Variants in C2CD3 observed in about 807,000 individuals in gnomAD.
The protein encoded by C2CD3 is C2 domain-containing protein 3.
In C2CD3, 148 loss-of-function variants were observed where a neutral mutation model predicts 234.0. That is an observed-to-expected ratio of 0.63 (90% confidence interval 0.55 to 0.72). The LOEUF (loss-of-function observed/expected upper bound fraction) is 0.72. Ranked by LOEUF, C2CD3 falls within the 30% of genes least tolerant of loss-of-function variation. The pLI, the probability that C2CD3 is intolerant of heterozygous loss-of-function variation, is 0.00. For synonymous variants in C2CD3, 1,000 were observed against 1,035.4 expected, an observed-to-expected ratio of 0.97 and a Z score of 0.66; for missense variants, 2,577 against 2,811.5, an observed-to-expected ratio of 0.92 and a Z score of 1.89.
chr11:74,048,893 T>TTCC (rs72521524), intron 27 of C2CD3, among the ~76,000 whole-genome samples: 11 of 149,388 alleles, frequency 7.4e-5, no homozygotes, highest in Non-Finnish European at 1.6e-4. Flanking sequence ...TGGGAAATTC[T>TTCC]TTCTTTTACA....
At chr11:74,114,132 T>G (rs527801839) in intron 10 of C2CD3, among the ~76,000 whole-genome samples, 3 of 152,312 alleles carry the variant, frequency 2.0e-5, no homozygotes, top group Admixed American at 1.3e-4. Context: ...ATGTTATAGA[T>G]AGCCATTTAA....
intron 24 of C2CD3, among the ~76,000 whole-genome samples, chr11:74,059,410 CAAAA>C (rs57052333): frequency 3.3e-5 from 1 of 29,958 alleles, no homozygotes; most frequent in African/African-American, 1.4e-4. Flanking sequence ...GACTCTGTCT[CAAAA>C]AAAAAAAAAA....
chr11:74,054,822 A>T, intron 25 of C2CD3, 151 bp from the exon 26 acceptor site: 1 of 544,188 alleles, frequency 1.8e-6, no homozygotes, highest in Admixed American at 3.7e-5. Flanking sequence ...TTTTATCTTC[A>T]CAGTTAAAAT....
intron 29 of C2CD3, among the ~76,000 whole-genome samples, chr11:74,041,537 C>G (rs1272144463): frequency 6.6e-6 from 1 of 152,136 alleles, no homozygotes; most frequent in Non-Finnish European, 1.5e-5. Flanking sequence ...CTGAGATGGG[C>G]AGAGCAAGGA....
chr11:74,036,150 G>A (rs1161232310), intron 30 of C2CD3: 5 of 257,054 alleles, frequency 1.9e-5, no homozygotes, highest in South Asian at 4.7e-5. Flanking sequence ...GTGAGCCACC[G>A]TGCCTGGCCA....
chr11:74,062,618 T>C (rs1276615774), intron 24 of C2CD3, among the ~76,000 whole-genome samples: 3 of 151,982 alleles, frequency 2.0e-5, no homozygotes, highest in African/African-American at 4.8e-5. Context: ...GGGACACATT[T>C]AAAGCAGTGT....
At chr11:74,048,155 C>T (rs1248207411) in intron 28 of C2CD3, 50 bp downstream of exon 28, 4 of 1,586,874 alleles carry the variant, frequency 2.5e-6, no homozygotes, top group Admixed American at 3.5e-5. Context: ...CCAGTTCACA[C>T]ACTTCCATTT....
chr11:74,146,914 G>A (rs552403652), intron 3 of C2CD3, among the ~76,000 whole-genome samples: 7 of 151,956 alleles, frequency 4.6e-5, no homozygotes, highest in African/African-American at 1.2e-4. Flanking sequence ...TTAGATGGGC[G>A]TGGTGACAGA....
chr11:74,031,184 TATTTTC>T (rs1393459214), intron 31 of C2CD3, among the ~76,000 whole-genome samples: 1 of 152,236 alleles, frequency 6.6e-6, no homozygotes, highest in East Asian at 1.9e-4. Context: ...TTTACATGAT[TATTTTC>T]ATTTTCATTT....
chr11:74,061,523 A>G (rs1238435258), intron 24 of C2CD3, among the ~76,000 whole-genome samples: 1 of 152,228 alleles, frequency 6.6e-6, no homozygotes, highest in African/African-American at 2.4e-5. Context: ...ATCCAGTCAA[A>G]CTGAGCTTCA....
At position 74,037,544 on chromosome 11, in the gene C2CD3, G is replaced by A. The variant is rs774993707; in HGVS notation, c.5815C>T (p.Pro1939Ser). The A allele has an allele frequency of 5.0e-6, 8 of 1,614,078 alleles. No individual in the cohort carries two copies. The highest frequency in any genetic ancestry group is 6.8e-6 in the Non-Finnish European group (8 of 1,180,006). The change falls in exon 30 of 33, where the codon CCT (proline) becomes TCT (serine). Residue 1939 changes from proline (P) to serine (S), a missense_variant. Physicochemically the swap from Pro to Ser is moderately conservative, Grantham distance 74. Coordinates refer to ENST00000334126, the MANE Select transcript of C2CD3 (RefSeq NM_001286577.2). ...TTCTCCAGGATACACTGGCTCCCAG[G>A]GTCTAGGCTGCTGGCACCTGGCCCA... ...HLGPGASSLD[P>S]GSQCILEKSS...
intron 3 of C2CD3, among the ~76,000 whole-genome samples, chr11:74,158,988 A>G (rs538585088): frequency 1.3e-5 from 2 of 152,312 alleles, no homozygotes; most frequent in South Asian, 4.1e-4. Flanking sequence ...TGATCCAGGA[A>G]TCTCACTACT....
chr11:74,130,087 G>GGGGAGA (rs538343799), intron 7 of C2CD3: 2 of 147,804 alleles, frequency 1.4e-5, no homozygotes, highest in African/African-American at 2.5e-5. Flanking sequence ...CGGAGACCGT[G>GGGGAGA]GGGAGAGGGA....
chr11:74,115,803 A>C (rs555235435), intron 9 of C2CD3, among the ~76,000 whole-genome samples: 1 of 152,328 alleles, frequency 6.6e-6, no homozygotes, highest in Admixed American at 6.5e-5. Flanking sequence ...CAGAATAGAG[A>C]ATCCAGAAAT....
intron 19 of C2CD3, 59 bp from the exon 20 acceptor site, chr11:74,090,995 C>A: frequency 6.3e-7 from 1 of 1,591,996 alleles, no homozygotes; most frequent in South Asian, 1.1e-5. Flanking sequence ...TTCCACCAAA[C>A]CACAAAGTTT....
At chr11:74,164,060 T>A in intron 2 of C2CD3, 3 of 416,912 alleles carry the variant, frequency 7.2e-6, no homozygotes, top group Non-Finnish European at 9.6e-6. Flanking sequence ...CTCAGTTCTA[T>A]CCAATTATAA....
chr11:74,169,689 T>C (rs572240467), intron 1 of C2CD3, among the ~76,000 whole-genome samples: 16 of 152,346 alleles, frequency 1.1e-4, no homozygotes, highest in Admixed American at 4.6e-4. Flanking sequence ...TGCTATGTTA[T>C]ATTATTTCTA....
intron 3 of C2CD3, among the ~76,000 whole-genome samples, chr11:74,150,155 TAA>T (rs200395607): frequency 4.9e-5 from 7 of 142,526 alleles, no homozygotes; most frequent in African/African-American, 5.2e-5. Context: ...TTTCCTTTTG[TAA>T]AAAAAAAAAA....
At chr11:74,047,791 A>C (rs1953459531) in intron 28 of C2CD3, among the ~76,000 whole-genome samples, 1 of 152,248 alleles carries the variant, frequency 6.6e-6, no homozygotes, top group Non-Finnish European at 1.5e-5. Context: ...AGGATGGAAC[A>C]TGCTCTAGCC....
Sources: gnomAD v4.1 joint callset for allele counts (sites outside exome capture counted in the v4.1 genomes callset) on GRCh38, gnomAD v4.1.1 for gene constraint, MANE v1.5 for transcripts, NCBI Gene and HGNC (gene_info 2026-07-23, HGNC 2026-07-21) for gene names.